CTNNA2: variants seen among roughly 807,000 people sequenced by gnomAD.
CTNNA2 encodes the protein catenin alpha-2.
Under a neutral mutation model 101.0 loss-of-function variants are expected in CTNNA2, and 42 were observed. That is an observed-to-expected ratio of 0.42 (90% confidence interval 0.32 to 0.54). The LOEUF is 0.54. Ranked by LOEUF, CTNNA2 falls within the 20% of genes least tolerant of loss-of-function variation. The probability of loss-of-function intolerance (pLI) is 0.14; values close to 1 mark genes in which losing one functional copy is unlikely to be tolerated. For synonymous variants in CTNNA2, 450 were observed against 456.4 expected, an observed-to-expected ratio of 0.99 and a Z score of 0.18; for missense variants, 871 against 1,223.1, an observed-to-expected ratio of 0.71 and a Z score of 4.29.
intron 7 of CTNNA2, among the ~76,000 whole-genome samples, chr2:80,024,560 G>A (rs966229292): frequency 6.6e-6 from 1 of 152,224 alleles, no homozygotes; most frequent in Admixed American, 6.5e-5. Flanking sequence ...CCTCATGGGA[G>A]GGGAAGCACG....
chr2:80,196,333 A>G (rs1408653441), intron 7 of CTNNA2, among the ~76,000 whole-genome samples: 4 of 152,124 alleles, frequency 2.6e-5, no homozygotes, highest in Non-Finnish European at 5.9e-5. Context: ...ATGCATTGCC[A>G]GCCATCATTT....
At chr2:79,753,173 A>G (rs1237418807) in intron 3 of CTNNA2, among the ~76,000 whole-genome samples, 3 of 152,150 alleles carry the variant, frequency 2.0e-5, no homozygotes, top group Non-Finnish European at 2.9e-5. Flanking sequence ...AATACAGCTG[A>G]CGATTACTCC....
chr2:80,592,906 T>C (rs899956857), intron 15 of CTNNA2, among the ~76,000 whole-genome samples: 3 of 152,182 alleles, frequency 2.0e-5, no homozygotes, highest in Non-Finnish European at 4.4e-5. Flanking sequence ...AGTTCATAAA[T>C]GGTGATGTGA....
At chr2:79,218,006 TAAA>T (rs913809314) in intron 2 of CTNNA2, among the ~76,000 whole-genome samples, 13 of 152,302 alleles carry the variant, frequency 8.5e-5, no homozygotes, top group African/African-American at 3.1e-4. Context: ...CATAATAAAA[TAAA>T]AACCTATTTC....
intron 4 of CTNNA2, among the ~76,000 whole-genome samples, chr2:79,381,809 T>C (rs1220710398): frequency 2.0e-5 from 3 of 152,310 alleles, no homozygotes; most frequent in South Asian, 2.1e-4. Flanking sequence ...CTGTGTGTTG[T>C]GGGTGATGAA....
At chr2:79,863,149 AC>A (rs1681757539) in intron 4 of CTNNA2, among the ~76,000 whole-genome samples, 1 of 85,952 alleles carries the variant, frequency 1.2e-5, no homozygotes, top group East Asian at 9.9e-4. Context: ...CAAACAAACA[AC>A]AAAAAAAAGT....
intron 7 of CTNNA2, among the ~76,000 whole-genome samples, chr2:80,074,063 G>A (rs554182612): frequency 6.2e-4 from 95 of 152,100 alleles, no homozygotes; most frequent in Middle Eastern, 3.4e-3. Flanking sequence ...TTTAGCTGGG[G>A]AATCACCAAA....
chr2:80,576,121 T>TC (rs1315618381), intron 13 of CTNNA2: 4 of 152,058 alleles, frequency 2.6e-5, no homozygotes, highest in African/African-American at 9.7e-5. Context: ...CCTCCTTCCC[T>TC]CCCAAAGGCT....
intron 4 of CTNNA2, among the ~76,000 whole-genome samples, chr2:79,462,384 A>G (rs1400275770): frequency 1.3e-5 from 2 of 152,180 alleles, no homozygotes; most frequent in Non-Finnish European, 2.9e-5. Flanking sequence ...TCCCAGGAAG[A>G]ATTGTGGAAT....
At chr2:79,651,899 C>G (rs1037548163) in intron 2 of CTNNA2, among the ~76,000 whole-genome samples, 1 of 152,004 alleles carries the variant, frequency 6.6e-6, no homozygotes, top group African/African-American at 2.4e-5. Flanking sequence ...AAGAGGGGTC[C>G]TTGGTGAAGG....
At chr2:80,129,761 C>T (rs1702314600) in intron 7 of CTNNA2, among the ~76,000 whole-genome samples, 1 of 152,112 alleles carries the variant, frequency 6.6e-6, no homozygotes, top group African/African-American at 2.4e-5. Flanking sequence ...TGTTCTGATC[C>T]ACATAACTGG....
chr2:80,550,634 C>G (rs1692482565), intron 11 of CTNNA2, among the ~76,000 whole-genome samples: 1 of 152,208 alleles, frequency 6.6e-6, no homozygotes, highest in South Asian at 2.1e-4. Context: ...TAGATTACAT[C>G]TCAAGAAGCC....
At chr2:80,255,076 A>G (rs1239245999) in intron 7 of CTNNA2, among the ~76,000 whole-genome samples, 6 of 152,130 alleles carry the variant, frequency 3.9e-5, no homozygotes, top group Admixed American at 6.5e-5. Flanking sequence ...CCAGAAATGC[A>G]TGTCTCTTCC....
chr2:79,685,172 A>G (rs17017562), intron 2 of CTNNA2, among the ~76,000 whole-genome samples: 13,639 of 152,256 alleles, frequency 0.09, 665 homozygotes, highest in South Asian at 0.13. Context: ...ATGCCAGCAT[A>G]TCATTTGGAA....
intron 3 of CTNNA2, among the ~76,000 whole-genome samples, chr2:79,815,195 T>G (rs7592088): frequency 0.19 from 29,438 of 152,134 alleles, 3,354 homozygotes; most frequent in African/African-American, 0.32. Flanking sequence ...GTATAGATTG[T>G]GAAGATTTTC....
chr2:80,202,281 C>T (rs1447247940), intron 7 of CTNNA2, among the ~76,000 whole-genome samples: 1 of 152,170 alleles, frequency 6.6e-6, no homozygotes, highest in Non-Finnish European at 1.5e-5. Flanking sequence ...CTCCAGGACA[C>T]TGAAGCATCA....
intron 7 of CTNNA2, among the ~76,000 whole-genome samples, chr2:80,260,803 A>G (rs17018918): frequency 0.062 from 9,496 of 152,306 alleles, 474 homozygotes; most frequent in South Asian, 0.29. Flanking sequence ...AGGGTTAAGA[A>G]AGAAGTCAGC....
At chr2:80,492,500 C>T (rs1023986064) in intron 9 of CTNNA2, among the ~76,000 whole-genome samples, 8 of 152,200 alleles carry the variant, frequency 5.3e-5, no homozygotes, top group South Asian at 2.1e-4. Context: ...AATATCCATA[C>T]TGTTACTCGA....
intron 7 of CTNNA2, among the ~76,000 whole-genome samples, chr2:79,915,418 A>G (rs1686132662): frequency 6.6e-6 from 1 of 152,172 alleles, no homozygotes; most frequent in Non-Finnish European, 1.5e-5. Context: ...TATTGTGAAT[A>G]TGTTACCATA....
Sources: allele counts gnomAD v4.1 joint callset (sites outside exome capture counted in the v4.1 genomes callset), GRCh38; gene constraint gnomAD v4.1.1; transcripts MANE v1.5; gene names NCBI Gene and HGNC (gene_info 2026-07-23, HGNC 2026-07-21).